The following BASP1 variants were observed in gnomAD, a reference collection of about 807,000 sequenced individuals.
The protein encoded by BASP1 is brain acid soluble protein 1.
BASP1 carries 1 observed loss-of-function variant against 2.2 expected under a neutral mutation model. The observed-to-expected ratio is 0.46, with a 90% CI of 0.16 to 2.17. BASP1 has a LOEUF of 2.17. BASP1 is among the 30% of genes most tolerant of loss of function. BASP1 has a pLI of 0.27. For missense variants in BASP1, 352 were observed against 327.2 expected, an observed-to-expected ratio of 1.08 and a Z score of -0.58; for synonymous variants, 187 against 154.2, an observed-to-expected ratio of 1.21 and a Z score of -1.58.
intron 1 of BASP1, among the ~76,000 whole-genome samples, chr5:17,270,188 CG>C (rs1325370898): frequency 2.8e-4 from 43 of 152,038 alleles, no homozygotes; most frequent in Non-Finnish European, 5.9e-5. Context: ...TTAGTAGAGA[CG>C]GGGTTTCTCC....
Position 17,266,814 on chromosome 5 carries a change from CAAA to C in BASP1, c.-9-8371_-9-8369del, listed in dbSNP as rs70943882. Among the ~76,000 whole-genome samples, 425 of 111,460 alleles carry C rather than the reference CAAA, an allele frequency of 3.8e-3. 1 individual carries two copies. Among genetic ancestry groups the C allele is most frequent in the African/African-American group, 0.016 (407 of 26,236 alleles). 73.1% of individuals were successfully genotyped at this position (111,460 alleles called of 152,430 possible). On this transcript the variant is annotated intron_variant, in intron 1 of 1. Transcript: ENST00000322611. ...GCGACAGAGCAGCAAGATCCTGTCT[CAAA>C]AAAAAAAAAAAAAAAAAAAAAATCT...
At chr5:17,219,960 T>C (rs1416975464) in intron 1 of BASP1, among the ~76,000 whole-genome samples, 2 of 152,238 alleles carry the variant, frequency 1.3e-5, no homozygotes, top group African/African-American at 4.8e-5. Context: ...GCTGATTTTC[T>C]TTCAGATGAT....
intron 1 of BASP1, among the ~76,000 whole-genome samples, chr5:17,257,823 A>G (rs866655844): frequency 9.2e-5 from 14 of 152,338 alleles, no homozygotes; most frequent in Middle Eastern, 3.4e-3. Flanking sequence ...ATTGTCTCAC[A>G]GGGCAGGCTA....
intron 1 of BASP1, among the ~76,000 whole-genome samples, chr5:17,229,026 CAA>C (rs1739571882): frequency 6.6e-6 from 1 of 151,214 alleles, no homozygotes; most frequent in Admixed American, 6.6e-5. Flanking sequence ...AAAAAAAAAA[CAA>C]AACTCTTAGG....
At chr5:17,246,457 C>T (rs1317233891) in intron 1 of BASP1, among the ~76,000 whole-genome samples, 1 of 152,172 alleles carries the variant, frequency 6.6e-6, no homozygotes, top group Non-Finnish European at 1.5e-5. Flanking sequence ...CATTGCACTC[C>T]ATCCTGGGTG....
chr5:17,227,955 G>A (rs1334749933), intron 1 of BASP1, among the ~76,000 whole-genome samples: 1 of 152,122 alleles, frequency 6.6e-6, no homozygotes, highest in East Asian at 1.9e-4. Context: ...CAAATGTTTG[G>A]TTTTCAGGCA....
In BASP1 at chr5:17,275,683, C is replaced by T; in HGVS notation, c.467C>T (p.Ala156Val). The T allele has an allele frequency of 6.3e-7, 1 of 1,583,144 alleles. No homozygotes were observed. Among genetic ancestry groups the T allele is most frequent in the Non-Finnish European group, 8.6e-7 (1 of 1,165,310 alleles). The change falls in exon 2 of 2, where the codon GCT becomes GTT. Residue 156 changes from alanine to valine, a missense_variant. By Grantham distance (64) the Ala-to-Val change is moderately conservative. Transcript: ENST00000322611. This position sits in a 1 kb window ranked among gnomAD's most constrained non-coding sequence, Gnocchi z 5.3. ...CCCAAAAAGACTGAGGCGCCCGCAG[C>T]TCCTGCCGCCCAGGAGACCAAAAGT... Reference protein sequence around the residue: ...GEPKKTEAPAAPAAQETKSDG... With the variant: ...GEPKKTEAPAVPAAQETKSDG...
At chr5:17,249,600 T>G (rs1488579514) in intron 1 of BASP1, among the ~76,000 whole-genome samples, 1 of 152,094 alleles carries the variant, frequency 6.6e-6, no homozygotes, top group Non-Finnish European at 1.5e-5. Flanking sequence ...CCCTTTGAGT[T>G]TGAGATCTCA....
intron 1 of BASP1, among the ~76,000 whole-genome samples, chr5:17,218,994 A>AG (rs5866243): frequency 0.56 from 85,699 of 151,708 alleles, 26,860 homozygotes; most frequent in African/African-American, 0.85. Context: ...GACCTTGTAC[A>AG]GGTTGACAAC....
At chr5:17,258,689 G>C (rs1740258828) in intron 1 of BASP1, among the ~76,000 whole-genome samples, 1 of 152,146 alleles carries the variant, frequency 6.6e-6, no homozygotes, top group South Asian at 2.1e-4. Context: ...CCAAGTCTGG[G>C]GATGAAATGC....
At chr5:17,263,517 G>T (rs1740359890) in intron 1 of BASP1, among the ~76,000 whole-genome samples, 1 of 152,148 alleles carries the variant, frequency 6.6e-6, no homozygotes, top group East Asian at 1.9e-4. Context: ...TATGCATTTT[G>T]GATTTTTGAT....
At chr5:17,274,413 G>C (rs1021278550) in intron 1 of BASP1, among the ~76,000 whole-genome samples, 3 of 152,192 alleles carry the variant, frequency 2.0e-5, no homozygotes, top group Non-Finnish European at 2.9e-5. Flanking sequence ...ATATGTAGCA[G>C]AGAGAGTTTG....
intron 1 of BASP1, among the ~76,000 whole-genome samples, chr5:17,253,644 C>T (rs1717546129): frequency 1.3e-5 from 2 of 152,094 alleles, no homozygotes; most frequent in Admixed American, 6.5e-5. Flanking sequence ...TAATCATGGT[C>T]CTTCCCAATC....
chr5:17,261,310 T>G (rs1014471857), intron 1 of BASP1, among the ~76,000 whole-genome samples: 1 of 152,234 alleles, frequency 6.6e-6, no homozygotes, highest in African/African-American at 2.4e-5. Context: ...CAATAAGACC[T>G]CTCCAGGTTT....
At chr5:17,237,981 C>G (rs1412737810) in intron 1 of BASP1, among the ~76,000 whole-genome samples, 1 of 152,030 alleles carries the variant, frequency 6.6e-6, no homozygotes, top group Non-Finnish European at 1.5e-5. Context: ...TGAAACACAA[C>G]GTATGTTAAG....
Position 17,232,795 on chromosome 5 carries a change from T to G in BASP1, c.-10+14985T>G, listed in dbSNP as rs138291143. Among the ~76,000 whole-genome samples, 4 of 152,282 alleles carry G rather than the reference T, an allele frequency of 2.6e-5. No homozygotes were observed. The East Asian group carries it at 7.7e-4, about 29-fold the overall frequency. On this transcript the variant is annotated intron_variant, in intron 1 of 1. Transcript: ENST00000322611. ...GATTTACTCCCCCTCCTCTTCCATG[T>G]CACATACCTCTTAGATGGTCAACAT...
At chr5:17,231,038 TAAAC>T (rs749229395) in intron 1 of BASP1, among the ~76,000 whole-genome samples, 51 of 152,208 alleles carry the variant, frequency 3.4e-4, no homozygotes, top group African/African-American at 6.5e-4. Context: ...CTACACTAGA[TAAAC>T]AAACCACTGG....
intron 1 of BASP1, among the ~76,000 whole-genome samples, chr5:17,235,355 G>C (rs1739719911): frequency 6.6e-6 from 1 of 151,444 alleles, no homozygotes; most frequent in Non-Finnish European, 1.5e-5. Context: ...TCATCTCCCA[G>C]GTTCACGCCA....
In BASP1 at chr5:17,275,982, T is replaced by C; in HGVS notation, c.*82T>C. The C allele has an allele frequency of 8.1e-7, 1 of 1,242,100 alleles. No homozygotes were observed. Among genetic ancestry groups the C allele is most frequent in the Non-Finnish European group, 1.1e-6 (1 of 926,246 alleles). The allele number at this position is 1,242,100 out of a possible 1,614,324, so 76.9% of individuals were successfully genotyped here. On this transcript the variant is annotated 3_prime_UTR_variant, in exon 2 of 2. Coordinates refer to ENST00000322611, the MANE Select transcript of BASP1 (RefSeq NM_006317.5). The surrounding 1 kb of genome is among the most constrained non-coding windows in gnomAD (Gnocchi z 5.3). The stretch of plus-strand genomic sequence containing the variant: ...CTCTCTCTCTCTCTATCTCTCTCTC[T>C]ATCTCCTCTCTCTCTCTCCTCTCCT...
Sources: gnomAD v4.1 joint callset for allele counts (sites outside exome capture counted in the v4.1 genomes callset) on GRCh38, gnomAD v4.1.1 for gene constraint, Gnocchi (gnomAD v3.1) non-coding constraint, MANE v1.5 for transcripts, NCBI Gene and HGNC (gene_info 2026-07-23, HGNC 2026-07-21) for gene names.